The following FMN2 variants were observed in gnomAD, a reference collection of about 807,000 sequenced individuals.
FMN2 encodes the protein formin-2.
FMN2 carries 51 observed loss-of-function variants against 142.3 expected under a neutral mutation model. The ratio of observed to expected loss-of-function variants is 0.36; its 90% CI spans 0.29 to 0.45. The LOEUF is 0.45. Ranked by LOEUF, FMN2 falls within the 20% of genes least tolerant of loss-of-function variation. The pLI is 1.00. For synonymous variants in FMN2, 882 were observed against 869.8 expected, an observed-to-expected ratio of 1.01 and a Z score of -0.25; for missense variants, 1,936 against 2,122.8, an observed-to-expected ratio of 0.91 and a Z score of 1.73.
In FMN2 at chr1:240,378,737, T is replaced by A. The variant is rs142453631; in HGVS notation, c.4859-13774T>A. On this transcript the variant is annotated intron_variant, in intron 14 of 17. Transcript: ENST00000319653. The stretch of plus-strand genomic sequence containing the variant: ...TTATTTTCCTCTGCAGTGTCTAATC[T>A]TACGTGATTTCCATTCAGTGGACTT... 1.1e-3 allele frequency among the ~76,000 whole-genome samples: 174 copies of A among 152,364 alleles called. 1 individual carries two copies. The highest frequency in any genetic ancestry group is 4.0e-3 in the African/African-American group (168 of 41,590).
chr1:240,298,956 A>T (rs535878361), intron 8 of FMN2, among the ~76,000 whole-genome samples: 2 of 146,782 alleles, frequency 1.4e-5, no homozygotes, highest in African/African-American at 5.0e-5. Flanking sequence ...TATTAGTTGA[A>T]TTTTTTTTTT....
Position 240,093,204 on chromosome 1 carries a change from G to T in FMN2, c.1095G>T (p.Glu365Asp). The T allele has an allele frequency of 6.7e-7, 1 of 1,494,876 alleles. No homozygotes were observed. The allele number at this position is 1,494,876 out of a possible 1,614,324, so 92.6% of individuals were successfully genotyped here. ...EDAPRGSPGEEWAPEVGEDAP... is the reference protein window; with the variant it reads ...EDAPRGSPGEDWAPEVGEDAP... ...CGCCCCGGGGCTCTCCGGGGGAGGA[G>T]TGGGCCCCGGAGGTGGGAGAGGACG... The change falls in exon 1 of 18, where the codon GAG (glutamate) becomes GAT (aspartate). Residue 365 changes from glutamate to aspartate, a missense_variant. Glu to Asp is a conservative substitution (Grantham distance 45, BLOSUM62 2). Around this residue, in one of 8 missense-constraint regions of FMN2, gnomAD observed 751 missense variants for 791.8 expected, o/e 0.95. Transcript: ENST00000319653.
intron 2 of FMN2, among the ~76,000 whole-genome samples, chr1:240,176,422 A>G (rs138501027): frequency 2.8e-4 from 42 of 152,336 alleles, no homozygotes; most frequent in Admixed American, 5.9e-4. Context: ...TCCATGTGAT[A>G]CAAACACCAA....
chr1:240,258,455 A>G (rs1213368888), intron 7 of FMN2, among the ~76,000 whole-genome samples: 14 of 152,258 alleles, frequency 9.2e-5, no homozygotes, highest in African/African-American at 3.4e-4. Context: ...TGGCAGAAAG[A>G]AGGAAAGAGA....
At chr1:240,184,270 T>G (rs539644349) in intron 3 of FMN2, among the ~76,000 whole-genome samples, 1 of 117,510 alleles carries the variant, frequency 8.5e-6, no homozygotes, top group African/African-American at 3.1e-5. Flanking sequence ...TGAGACTTGC[T>G]CTGTCGCCCA....
At chr1:240,418,459 T>C (rs966542140) in intron 15 of FMN2, among the ~76,000 whole-genome samples, 3 of 152,084 alleles carry the variant, frequency 2.0e-5, no homozygotes, top group Non-Finnish European at 4.4e-5. Flanking sequence ...CCTCCCAAAG[T>C]GCAGGGATTA....
intron 16 of FMN2, among the ~76,000 whole-genome samples, chr1:240,449,489 A>G (rs962206283): frequency 6.6e-6 from 1 of 152,190 alleles, no homozygotes; most frequent in African/African-American, 2.4e-5. Context: ...CTAGAGACAG[A>G]CCTTTGATAT....
At chr1:240,460,321 C>T (rs1329136641) in intron 16 of FMN2, among the ~76,000 whole-genome samples, 1 of 152,186 alleles carries the variant, frequency 6.6e-6, no homozygotes, top group African/African-American at 2.4e-5. Context: ...GCCAAGCGTG[C>T]TGGCTCGTGC....
intron 10 of FMN2, 32 bp downstream of exon 10, chr1:240,329,500 A>G (rs1370298057): frequency 8.1e-6 from 13 of 1,605,650 alleles, no homozygotes; most frequent in Non-Finnish European, 1.1e-5. Context: ...GCTGAACTTG[A>G]GTCTCATTTA....
chr1:240,097,598 G>A (rs1399752233), intron 1 of FMN2, among the ~76,000 whole-genome samples: 4 of 152,006 alleles, frequency 2.6e-5, no homozygotes, highest in Admixed American at 6.6e-5. Flanking sequence ...CTCGTGATCC[G>A]CCCGCCTCGG....
chr1:240,361,052 A>T (rs372326411), intron 14 of FMN2, among the ~76,000 whole-genome samples: 1 of 150,986 alleles, frequency 6.6e-6, no homozygotes, highest in East Asian at 2.0e-4. Flanking sequence ...GCACACCAAC[A>T]TGGCACATGT....
chr1:240,469,662 A>C (rs1454943169), intron 16 of FMN2, among the ~76,000 whole-genome samples: 1 of 152,182 alleles, frequency 6.6e-6, no homozygotes, highest in East Asian at 1.9e-4. Flanking sequence ...CCTGTTAAAC[A>C]AGGCTCGGCA....
intron 8 of FMN2, among the ~76,000 whole-genome samples, chr1:240,301,783 G>T (rs967588810): frequency 6.6e-6 from 1 of 151,522 alleles, no homozygotes; most frequent in Non-Finnish European, 1.5e-5. Flanking sequence ...CCCTTCTACT[G>T]CCTTTAGGTT....
intron 8 of FMN2, among the ~76,000 whole-genome samples, chr1:240,323,932 C>T (rs974940038): frequency 1.3e-5 from 2 of 152,140 alleles, no homozygotes; most frequent in African/African-American, 2.4e-5. Flanking sequence ...CGCAGCTCTC[C>T]GAATGTTCCA....
chr1:240,472,121 T>G, intron 16 of FMN2: 2 of 377,608 alleles, frequency 5.3e-6, no homozygotes, highest in East Asian at 5.4e-5. Flanking sequence ...ATAGAAATTC[T>G]TATGTGTTTG....
chr1:240,472,432 A>G lies in FMN2; in HGVS notation c.5121A>G (p.Lys1707=). 1 of 1,610,836 alleles carries G rather than the reference A, an allele frequency of 6.2e-7. No individual in the cohort carries two copies. The highest frequency in any genetic ancestry group is 8.5e-7 in the Non-Finnish European group (1 of 1,178,572). ...QKKGKSLYKI[K]PRHDSGIKAK... The stretch of plus-strand genomic sequence containing the variant: ...AAGGAAAATCACTTTATAAAATAAA[A>G]CCAAGACATGACTCTGGAATTGTAA... The change falls in exon 17 of 18, where the codon AAA becomes AAG. Residue 1707 remains lysine (K), a synonymous_variant. Coordinates refer to ENST00000319653, the MANE Select transcript of FMN2 (RefSeq NM_020066.5).
chr1:240,290,355 A>C (rs1035484939), intron 7 of FMN2, among the ~76,000 whole-genome samples: 1 of 152,160 alleles, frequency 6.6e-6, no homozygotes, highest in African/African-American at 2.4e-5. Context: ...GCAAGTTCGT[A>C]CCGGAGGAGT....
chr1:240,359,968 A>T (rs912552145), intron 14 of FMN2, among the ~76,000 whole-genome samples: 1 of 152,200 alleles, frequency 6.6e-6, no homozygotes, highest in Non-Finnish European at 1.5e-5. Context: ...CTCACCAGGC[A>T]TAGGTCTAGC....
intron 15 of FMN2, among the ~76,000 whole-genome samples, chr1:240,421,301 A>G (rs1231864229): frequency 1.3e-5 from 2 of 152,124 alleles, no homozygotes; most frequent in East Asian, 1.9e-4. Context: ...GAAATGATAC[A>G]TTTCATTTCG....
Sources: gnomAD v4.1 joint callset for allele counts (sites outside exome capture counted in the v4.1 genomes callset) on GRCh38, gnomAD v4.1.1 for gene constraint, gnomAD v4.1.1 regional missense constraint, MANE v1.5 for transcripts, NCBI Gene and HGNC (gene_info 2026-07-23, HGNC 2026-07-21) for gene names.